Variants in PACS2 observed in about 807,000 individuals in gnomAD.
PACS2 encodes PACS1-like protein.
A neutral mutation model predicts 113.0 loss-of-function variants in PACS2; 36 were observed. That is an observed-to-expected ratio of 0.32 (90% CI 0.24 to 0.42). The LOEUF is 0.42. Among genes scored for constraint, PACS2 ranks in the 10% least tolerant of loss-of-function variants. The pLI is 1.00. For synonymous variants in PACS2, 589 were observed against 536.1 expected (o/e 1.10, Z -1.36); for missense variants, 1,015 against 1,239.5 (o/e 0.82, Z 2.72).
chr14:105,312,999 C>G (rs148025879), upstream of PACS2, among the ~76,000 whole-genome samples: 1 of 152,172 alleles, frequency 6.6e-6, no homozygotes, highest in African/African-American at 2.4e-5. Flanking sequence ...TGGGATGGGA[C>G]AGAACTGTCA....
upstream of PACS2, among the ~76,000 whole-genome samples, chr14:105,312,217 C>T (rs941527377): frequency 6.6e-6 from 1 of 152,246 alleles, no homozygotes; most frequent in African/African-American, 2.4e-5. Context: ...CGAAGCCAGG[C>T]GGACAGAGGA....
intron 1 of PACS2, among the ~76,000 whole-genome samples, chr14:105,319,319 G>A (rs2058796907): frequency 6.6e-6 from 1 of 152,248 alleles, no homozygotes; most frequent in South Asian, 2.1e-4. Flanking sequence ...CTGTAGAGCA[G>A]GTTGGGGAGA....
chr14:105,348,440 G>T lies in PACS2; in HGVS notation c.120-53G>T. The T allele has an allele frequency of 7.2e-7, 1 of 1,387,626 alleles. No individual in the cohort carries two copies. 86.0% of individuals were successfully genotyped at this position (1,387,626 alleles called of 1,614,324 possible). A position where few individuals can be genotyped will look rare whatever the true frequency, so the allele number is the denominator to read the frequency against. Reference sequence around the variant, plus strand: ...CACAGTGCTGGGACGGCACAGGGCCGCGTCCTGAGGAGAGGGCGGAGCCCC... The same window carrying T: ...CACAGTGCTGGGACGGCACAGGGCCTCGTCCTGAGGAGAGGGCGGAGCCCC... On this transcript the variant is annotated intron_variant, in intron 1 of 24. Transcript: ENST00000447393. This position sits in a 1 kb window ranked among gnomAD's most constrained non-coding sequence, Gnocchi z 6.4.
chr14:105,338,336 C>T (rs1555400964), intron 1 of PACS2, among the ~76,000 whole-genome samples: 1 of 152,206 alleles, frequency 6.6e-6, no homozygotes, highest in Non-Finnish European at 1.5e-5. Context: ...GTCACTTGTT[C>T]TGTAACTCAC....
chr14:105,317,273 C>T lies in PACS2; in HGVS notation c.119+2236C>T, dbSNP rs1051601856. Among the ~76,000 whole-genome samples, 30 of 152,236 alleles carry T rather than the reference C, an allele frequency of 2.0e-4. No homozygotes were observed. Among genetic ancestry groups the T allele is most frequent in the Admixed American group, 1.8e-3 (28 of 15,286 alleles). ...CAGTTTTTTGGTTAATTACAAGCCC[C>T]GTGCTGCTGTGGACATCGTGTGCCA... On this transcript the variant is annotated intron_variant, in intron 1 of 24. Coordinates refer to ENST00000447393, the MANE Select transcript of PACS2 (RefSeq NM_001100913.3). This position sits in a 1 kb window ranked among gnomAD's most constrained non-coding sequence, Gnocchi z 4.2.
In PACS2 at chr14:105,315,855, G is replaced by T. The variant is rs587776172; in HGVS notation, c.119+818G>T. The stretch of plus-strand genomic sequence containing the variant: ...GGAGAGAGACACGCTCTCCGGAAAA[G>T]TTCTGGTTCTAGAATAGACAGCAGG... On this transcript the variant is annotated intron_variant, in intron 1 of 24. Transcript: ENST00000447393. This position sits in a 1 kb window ranked among gnomAD's most constrained non-coding sequence, Gnocchi z 4.4. Among the ~76,000 whole-genome samples the T allele has an allele frequency of 1.2e-4, 19 of 152,376 alleles. No homozygotes were observed. Among genetic ancestry groups the T allele is most frequent in the Admixed American group, 1.1e-3 (17 of 15,310 alleles).
intron 1 of PACS2, among the ~76,000 whole-genome samples, chr14:105,332,497 G>T (rs886406436): frequency 6.6e-6 from 1 of 152,342 alleles, no homozygotes; most frequent in Middle Eastern, 3.4e-3. Context: ...AGTTGGGATT[G>T]TGAAAACCCC....
chr14:105,393,138 T>C, intron 23 of PACS2, 84 bp from the exon 24 acceptor site: 2 of 1,031,800 alleles, frequency 1.9e-6, no homozygotes, highest in Non-Finnish European at 3.0e-6. Flanking sequence ...GAGCCCCCAG[T>C]GCCTCCCCCA....
At position 105,356,104 on chromosome 14, in the gene PACS2, C is replaced by A. The variant is rs2060433820; in HGVS notation, c.423+927C>A. On this transcript the variant is annotated intron_variant, in intron 4 of 24. Transcript: ENST00000447393. This position sits in a 1 kb window ranked among gnomAD's most constrained non-coding sequence, Gnocchi z 4.0. ...CAGCCCCTCTTCTTCCCACTTTGTCCCCCTGCTCCTGGGGCTTGGGGCTGG... is the reference window on the plus strand; with the variant it reads ...CAGCCCCTCTTCTTCCCACTTTGTCACCCTGCTCCTGGGGCTTGGGGCTGG... 6.6e-6 allele frequency among the ~76,000 whole-genome samples: 1 copy of A among 152,146 alleles called. No homozygotes were observed. Among genetic ancestry groups the A allele is most frequent in the Non-Finnish European group, 1.5e-5 (1 of 68,010 alleles).
chr14:105,339,812 T>G (rs1202676829), intron 1 of PACS2, among the ~76,000 whole-genome samples: 1 of 152,234 alleles, frequency 6.6e-6, no homozygotes, highest in Non-Finnish European at 1.5e-5. Context: ...GCCTGGCTAA[T>G]TTTTGTATTT....
At chr14:105,312,877 G>A (rs1054189744), upstream of PACS2, among the ~76,000 whole-genome samples, 14 of 152,206 alleles carry the variant, frequency 9.2e-5, no homozygotes, top group African/African-American at 2.9e-4. Context: ...AAGCATTGAT[G>A]TAGACCCACC....
Position 105,354,743 on chromosome 14 carries a change from G to T in PACS2, c.298-309G>T, listed in dbSNP as rs139858790. Among the ~76,000 whole-genome samples the T allele has an allele frequency of 1.3e-5, 2 of 152,362 alleles. No individual in the cohort carries two copies. Among genetic ancestry groups the T allele is most frequent in the African/African-American group, 2.4e-5 (1 of 41,586 alleles). On this transcript the variant is annotated intron_variant, in intron 3 of 24. Transcript: ENST00000447393. The surrounding 1 kb of genome is among the most constrained non-coding windows in gnomAD (Gnocchi z 4.2). ...ACTGTTTCCGAGTGTCCACAGGCGC[G>T]CTCGGCCATCCCGGACACTGCAGCA...
rs144116788 is a variant in PACS2, at chr14:105,330,563, C to A, written c.119+15526C>A. On this transcript the variant is annotated intron_variant, in intron 1 of 24. Transcript: ENST00000447393. The surrounding 1 kb of genome is among the most constrained non-coding windows in gnomAD (Gnocchi z 6.9). The stretch of plus-strand genomic sequence containing the variant: ...CCTGACCCAGCTGGGTGTGTGGCCG[C>A]TCTCTGGACCCCCGGTCCCAGGGTG... Among the ~76,000 whole-genome samples the A allele has an allele frequency of 7.7e-4, 118 of 152,338 alleles. 1 individual carries two copies. The East Asian group carries it at 0.015, about 19-fold the overall frequency.
At chr14:105,313,711 A>G (rs145821978), upstream of PACS2, among the ~76,000 whole-genome samples, 326 of 152,380 alleles carry the variant, frequency 2.1e-3, 1 homozygote, top group Admixed American at 0.014. Context: ...CTACTTGTAG[A>G]CAAGACACAG....
intron 24 of PACS2, among the ~76,000 whole-genome samples, chr14:105,393,992 T>A (rs1176762433): frequency 6.9e-6 from 1 of 145,388 alleles, no homozygotes; most frequent in African/African-American, 2.7e-5. Flanking sequence ...GAGCCGAGAT[T>A]GCGCCACTGC....
At position 105,367,291 on chromosome 14, in the gene PACS2, G is replaced by A. The variant is rs374606643; in HGVS notation, c.502G>A (p.Glu168Lys). The A allele has an allele frequency of 2.7e-5, 44 of 1,613,132 alleles. No homozygotes were observed. Among genetic ancestry groups the A allele is most frequent in the Non-Finnish European group, 3.5e-5 (41 of 1,179,980 alleles). Residue 168 changes from glutamate to lysine, a missense_variant, in exon 5 of 25, where the codon GAG becomes AAG. Physicochemically the swap from Glu to Lys is moderately conservative, Grantham distance 56 (BLOSUM62 1). This residue lies in a region of PACS2 where 859 missense variants were observed against 1,056.8 expected (regional missense o/e 0.81). Transcript: ENST00000447393. ...SIKEAPVKAA[E>K]IWIASLSSQP... is the part of the protein sequence containing the mutation. Reference sequence around the variant, plus strand: ...CAAGGAGGCCCCCGTCAAGGCGGCCGAGATCTGGATCGCCTCCCTGTCCAG... The same window carrying A: ...CAAGGAGGCCCCCGTCAAGGCGGCCAAGATCTGGATCGCCTCCCTGTCCAG...
chr14:105,337,983 G>A (rs2059589192), intron 1 of PACS2, among the ~76,000 whole-genome samples: 1 of 152,314 alleles, frequency 6.6e-6, no homozygotes, highest in African/African-American at 2.4e-5. Flanking sequence ...TGGGTGGGTG[G>A]GAGTTTCAGT....
At chr14:105,375,898 G>A (rs2061338100) in intron 8 of PACS2, among the ~76,000 whole-genome samples, 2 of 152,314 alleles carry the variant, frequency 1.3e-5, no homozygotes, top group African/African-American at 4.8e-5. Context: ...ACTCAGTGGC[G>A]CACTGCAGAA....
rs1217750430 is a variant in PACS2 at position 105,382,711 on chromosome 14, G to A, written c.1519-96G>A. ...GCTGTGGTTTGCCTGGACGTGCCTG[G>A]GGTCTCTGGAGCCCCTGAGAGCTTT... On this transcript the variant is annotated intron_variant, in intron 14 of 24. Coordinates refer to ENST00000447393, the MANE Select transcript of PACS2 (RefSeq NM_001100913.3). 6.3e-6 allele frequency: 6 copies of A among 952,592 alleles called. No homozygotes were observed. The Admixed American group carries it at 9.8e-5, about 16-fold the overall frequency. 59.0% of individuals were successfully genotyped at this position (952,592 alleles called of 1,614,324 possible). A position where few individuals can be genotyped will look rare whatever the true frequency, so the allele number is the denominator to read the frequency against.
Sources: allele counts gnomAD v4.1 joint callset (sites outside exome capture counted in the v4.1 genomes callset), GRCh38; gene constraint gnomAD v4.1.1; regional missense constraint gnomAD v4.1.1; non-coding constraint Gnocchi (gnomAD v3.1); transcripts MANE v1.5; gene names NCBI Gene and HGNC (gene_info 2026-07-23, HGNC 2026-07-21).